The following LEF1 variants were observed in gnomAD, a reference collection of about 807,000 sequenced individuals.
LEF1 encodes lymphoid enhancer-binding factor 1.
A neutral mutation model predicts 51.2 loss-of-function variants in LEF1; 14 were observed. The observed-to-expected ratio is 0.27, with a 90% CI of 0.18 to 0.43. LEF1 has a LOEUF of 0.43. Among genes scored for constraint, LEF1 ranks in the 20% least tolerant of loss-of-function variants. LEF1 has a pLI of 1.00. For missense variants in LEF1, 386 were observed against 512.0 expected (o/e 0.75, Z 2.37); for synonymous variants, 185 against 183.2 (o/e 1.01, Z -0.08).
chr4:108,096,941 C>T (rs772823137), intron 3 of LEF1, among the ~76,000 whole-genome samples: 5 of 152,132 alleles, frequency 3.3e-5, no homozygotes, highest in Non-Finnish European at 5.9e-5. Flanking sequence ...CAGGTAATAA[C>T]GAATGGTGGC....
intron 11 of LEF1, among the ~76,000 whole-genome samples, chr4:108,062,143 A>C (rs1737736951): frequency 6.6e-6 from 1 of 152,228 alleles, no homozygotes; most frequent in Admixed American, 6.5e-5. Context: ...AAAAAGCTGA[A>C]GTAGATTGCT....
At chr4:108,139,631 GA>G (rs372062190) in intron 3 of LEF1, among the ~76,000 whole-genome samples, 55 of 152,210 alleles carry the variant, frequency 3.6e-4, no homozygotes, top group African/African-American at 1.3e-3. Context: ...GGAAAACAAA[GA>G]GGAAGCAAAG....
chr4:108,076,495 C>T (rs1402399750), intron 8 of LEF1, among the ~76,000 whole-genome samples: 2 of 152,122 alleles, frequency 1.3e-5, no homozygotes, highest in African/African-American at 4.8e-5. Context: ...CCTGCCTCAG[C>T]CTCCCGAGTA....
chr4:108,058,697 G>T (rs1397211930), intron 11 of LEF1, among the ~76,000 whole-genome samples: 1 of 152,110 alleles, frequency 6.6e-6, no homozygotes, highest in Non-Finnish European at 1.5e-5. Context: ...CTTCTTCACA[G>T]CATAAAACAT....
At chr4:108,158,585 A>G (rs2110412459) in intron 3 of LEF1, among the ~76,000 whole-genome samples, 1 of 152,288 alleles carries the variant, frequency 6.6e-6, no homozygotes, top group Admixed American at 6.5e-5. Flanking sequence ...CAAAATCAAA[A>G]GGAAATCAGC....
intron 3 of LEF1, among the ~76,000 whole-genome samples, chr4:108,157,445 C>T (rs1028000389): frequency 9.2e-5 from 14 of 152,020 alleles, no homozygotes; most frequent in Non-Finnish European, 1.6e-4. Flanking sequence ...CCACCTGCCT[C>T]GAGCAATAGG....
intron 11 of LEF1, among the ~76,000 whole-genome samples, chr4:108,048,976 G>A (rs1457181070): frequency 2.0e-5 from 3 of 152,142 alleles, no homozygotes; most frequent in Admixed American, 6.5e-5. Flanking sequence ...GTATACGTAT[G>A]CCCAGAGTTA....
Position 108,167,926 on chromosome 4 carries a change from G to C in LEF1, c.-159C>G. The C allele has an allele frequency of 2.3e-6, 1 of 434,660 alleles. No homozygotes were observed. Among genetic ancestry groups the C allele is most frequent in the Non-Finnish European group, 3.8e-6 (1 of 266,302 alleles). The allele number at this position is 434,660 out of a possible 1,614,324, so 26.9% of individuals were successfully genotyped here. On this transcript the variant is annotated 5_prime_UTR_variant, in exon 1 of 12. Coordinates refer to ENST00000265165, the MANE Select transcript of LEF1 (RefSeq NM_016269.5). This position sits in a 1 kb window ranked among gnomAD's most constrained non-coding sequence, Gnocchi z 5.7. ...GGGGCGGGCGAGCGCGGGGCCGCCG[G>C]CCGGCAGCCGGAGCAGCTGCCGCGG... is the stretch of plus-strand genomic sequence containing the variant.
chr4:108,137,594 G>T (rs1392692134), intron 3 of LEF1, among the ~76,000 whole-genome samples: 1 of 152,154 alleles, frequency 6.6e-6, no homozygotes, highest in Non-Finnish European at 1.5e-5. Flanking sequence ...AATGTAGGAA[G>T]GAACGGTATT....
At chr4:108,068,342 G>C (rs1198350674) in intron 9 of LEF1, among the ~76,000 whole-genome samples, 2 of 152,132 alleles carry the variant, frequency 1.3e-5, no homozygotes, top group Non-Finnish European at 2.9e-5. Context: ...TCAGGAGGAG[G>C]AAAACCACGT....
At chr4:108,074,143 A>T (rs1738688636) in intron 8 of LEF1, among the ~76,000 whole-genome samples, 2 of 152,236 alleles carry the variant, frequency 1.3e-5, no homozygotes, top group African/African-American at 4.8e-5. Context: ...TGCATTGAAA[A>T]CAAAAACAAA....
At chr4:108,107,416 G>A (rs947957321) in intron 3 of LEF1, among the ~76,000 whole-genome samples, 2 of 152,094 alleles carry the variant, frequency 1.3e-5, no homozygotes, top group Non-Finnish European at 2.9e-5. Context: ...TAACTTGTGA[G>A]ACTATAGGTA....
Position 108,167,453 on chromosome 4 carries a change from G to C in LEF1, c.213+102C>G, listed in dbSNP as rs1745485391. 6 of 1,137,740 alleles carry C rather than the reference G, an allele frequency of 5.3e-6. No individual in the cohort carries two copies. Among genetic ancestry groups the C allele is most frequent in the Non-Finnish European group, 7.7e-6 (6 of 774,670 alleles). 70.5% of individuals were successfully genotyped at this position (1,137,740 alleles called of 1,614,324 possible). On this transcript the variant is annotated intron_variant, in intron 1 of 11. Coordinates refer to ENST00000265165, the MANE Select transcript of LEF1 (RefSeq NM_016269.5). This position sits in a 1 kb window ranked among gnomAD's most constrained non-coding sequence, Gnocchi z 5.7. ...CAAAACAAACGAGGGATCTACTCGG[G>C]ACCCTCAGCCGGGCGGCCGGGCGCC...
At chr4:108,080,016 A>G (rs1189160406) in intron 6 of LEF1, among the ~76,000 whole-genome samples, 4 of 152,218 alleles carry the variant, frequency 2.6e-5, no homozygotes, top group Non-Finnish European at 5.9e-5. Context: ...CATCCATATT[A>G]GGAGGGAACA....
intron 3 of LEF1, among the ~76,000 whole-genome samples, chr4:108,126,882 T>C (rs1224757857): frequency 6.6e-6 from 1 of 151,016 alleles, no homozygotes; most frequent in East Asian, 1.9e-4. Flanking sequence ...TGTGTGTGTG[T>C]GTGTGTGTGT....
intron 3 of LEF1, among the ~76,000 whole-genome samples, chr4:108,124,143 A>C (rs1030674304): frequency 8.5e-5 from 13 of 152,156 alleles, no homozygotes; most frequent in African/African-American, 3.1e-4. Flanking sequence ...ACCTTAAAAA[A>C]TTAAAAACAA....
chr4:108,104,805 G>A (rs957676381), intron 3 of LEF1: 36 of 370,950 alleles, frequency 9.7e-5, no homozygotes, highest in African/African-American at 8.0e-4. Context: ...TTCCATAAAT[G>A]GCATCAATCT....
intron 11 of LEF1, among the ~76,000 whole-genome samples, chr4:108,052,580 A>G (rs1186493311): frequency 6.6e-6 from 1 of 152,168 alleles, no homozygotes. Flanking sequence ...CTGCTGCACA[A>G]TGTCATGTGT....
intron 3 of LEF1, among the ~76,000 whole-genome samples, chr4:108,118,822 T>G (rs980804523): frequency 6.6e-6 from 1 of 152,152 alleles, no homozygotes; most frequent in African/African-American, 2.4e-5. Context: ...TGAGACAGTA[T>G]AACACACAAC....
Sources: allele counts gnomAD v4.1 joint callset (sites outside exome capture counted in the v4.1 genomes callset), GRCh38; gene constraint gnomAD v4.1.1; non-coding constraint Gnocchi (gnomAD v3.1); transcripts MANE v1.5; gene names NCBI Gene and HGNC (gene_info 2026-07-23, HGNC 2026-07-21).